KLHL38: variants seen among roughly 807,000 people sequenced by gnomAD.
The protein encoded by KLHL38 is kelch like family member 38, also known as kelch-like protein 38.
A neutral mutation model predicts 39.6 loss-of-function variants in KLHL38; 38 were observed. The ratio of observed to expected loss-of-function variants is 0.96; its 90% CI spans 0.74 to 1.26. The LOEUF is 1.26. KLHL38 is among the 50% of genes most tolerant of loss of function. The pLI is 0.00. For synonymous variants in KLHL38, 322 were observed against 302.2 expected, an observed-to-expected ratio of 1.07 and a Z score of -0.68; for missense variants, 803 against 748.1, an observed-to-expected ratio of 1.07 and a Z score of -0.86.
Position 123,652,405 on chromosome 8 carries a change from C to T in KLHL38, c.522G>A (p.Glu174=). 1 of 1,614,148 alleles carries T rather than the reference C, an allele frequency of 6.2e-7. No individual in the cohort carries two copies. Among genetic ancestry groups the T allele is most frequent in the African/African-American group, 1.3e-5 (1 of 75,068 alleles). ...PEVAASADLK[E]LCALELRDYL... ...AGTCCCTCAACTCCAAGGCACAGAG[C>T]TCCTTCAGGTCGGCCGATGCGGCCA... is the stretch of plus-strand genomic sequence containing the variant. Residue 174 remains glutamate (E), a synonymous_variant, in exon 2 of 4, where the codon GAG becomes GAA. Transcript: ENST00000684634.
chr8:123,645,634 T>C lies in KLHL38; in HGVS notation c.*105A>G. ...CCTCCCGACTCTGGTACCTCAGTCT[T>C]GTGAGCTCTCCCTGCAGCCTTTAAG... On this transcript the variant is annotated 3_prime_UTR_variant, in exon 4 of 4. Coordinates refer to ENST00000684634, the MANE Select transcript of KLHL38 (RefSeq NM_001081675.3). The C allele has an allele frequency of 1.5e-6, 2 of 1,294,386 alleles. No individual in the cohort carries two copies. The highest frequency in any genetic ancestry group is 2.2e-6 in the Non-Finnish European group (2 of 924,976). The allele number at this position is 1,294,386 out of a possible 1,614,324, so 80.2% of individuals were successfully genotyped here.
chr8:123,652,358 C>A lies in KLHL38; in HGVS notation c.569G>T (p.Cys190Phe). 1.2e-6 allele frequency: 2 copies of A among 1,613,944 alleles called. No individual in the cohort carries two copies. Among genetic ancestry groups the A allele is most frequent in the Non-Finnish European group, 1.7e-6 (2 of 1,180,036 alleles). ...LRDYLGDDGL[C>F]GEEEKVFEAL... ...CTCAAACACCTTTTCCTCCTCCCCA[C>A]AGAGCCCATCATCTCCGAGATAGTC... Residue 190 changes from cysteine to phenylalanine, a missense_variant, in exon 2 of 4, where the codon TGT becomes TTT. Physicochemically the swap from Cys to Phe is radical, Grantham distance 205 (BLOSUM62 -2). Coordinates refer to ENST00000684634, the MANE Select transcript of KLHL38 (RefSeq NM_001081675.3).
intron 2 of KLHL38, among the ~76,000 whole-genome samples, chr8:123,649,152 C>T (rs1371023256): frequency 6.6e-6 from 1 of 152,148 alleles, no homozygotes; most frequent in African/African-American, 2.4e-5. Context: ...CTCAGAAGGT[C>T]AATGGCAGTT....
At position 123,645,434 on chromosome 8, in the gene KLHL38, C is replaced by T. The variant is rs1212033737; in HGVS notation, c.*305G>A. The stretch of plus-strand genomic sequence containing the variant: ...CCTGGGCTACAGAGTGAAACTCCAT[C>T]TCAAAAAAAAGAAAAAGAGAGAGAG... On this transcript the variant is annotated 3_prime_UTR_variant, in exon 4 of 4. Transcript: ENST00000684634. The T allele has an allele frequency of 3.0e-6, 1 of 338,978 alleles. No homozygotes were observed. Among genetic ancestry groups the T allele is most frequent in the Non-Finnish European group, 5.1e-6 (1 of 194,500 alleles). The allele number at this position is 338,978 out of a possible 1,614,324, so 21.0% of individuals were successfully genotyped here.
chr8:123,645,351 C>T lies in KLHL38; in HGVS notation c.*388G>A, dbSNP rs1335130441. Among the ~76,000 whole-genome samples the T allele has an allele frequency of 5.9e-5, 9 of 151,842 alleles. No individual in the cohort carries two copies. Among genetic ancestry groups the T allele is most frequent in the East Asian group, 1.9e-4 (1 of 5,138 alleles). ...ACTCAGGAGGCTGAGGCGTGAGAAT[C>T]GCTTGAACCTGGGAGGTGGGGGTTT... On this transcript the variant is annotated 3_prime_UTR_variant, in exon 4 of 4. Coordinates refer to ENST00000684634, the MANE Select transcript of KLHL38 (RefSeq NM_001081675.3).
At position 123,650,397 on chromosome 8, in the gene KLHL38, G is replaced by T. The variant is rs139215641; in HGVS notation, c.1350+1180C>A. On this transcript the variant is annotated intron_variant, in intron 2 of 3. Coordinates refer to ENST00000684634, the MANE Select transcript of KLHL38 (RefSeq NM_001081675.3). ...TTCAAAGCTGTCTTGGGCTGTATGC[G>T]TGTTGGGCAAGCTTGCTCTAGACTG... 5.7e-3 allele frequency among the ~76,000 whole-genome samples: 867 copies of T among 152,306 alleles called. 10 individuals carry two copies. Among genetic ancestry groups the T allele is most frequent in the African/African-American group, 0.018 (767 of 41,558 alleles).
rs200968733 is a variant in KLHL38, at chr8:123,652,412, A to G, written c.515T>C (p.Leu172Pro). The change falls in exon 2 of 4, where the codon CTG becomes CCG. Residue 172 changes from leucine to proline, a missense_variant. Coordinates refer to ENST00000684634, the MANE Select transcript of KLHL38 (RefSeq NM_001081675.3). ...CAACTCCAAGGCACAGAGCTCCTTC[A>G]GGTCGGCCGATGCGGCCACCTCTGG... is the stretch of plus-strand genomic sequence containing the variant. ...SFPEVAASAD[L>P]KELCALELRD... 1 of 1,613,976 alleles carries G rather than the reference A, an allele frequency of 6.2e-7. No individual in the cohort carries two copies. The highest frequency in any genetic ancestry group is 8.5e-7 in the Non-Finnish European group (1 of 1,180,040).
Position 123,645,720 on chromosome 8 carries a change from A to G in KLHL38, c.*19T>C. ...CGACAGAAGGCATTTTGACTAGGGC[A>G]GAAGGTTTCTTGTCGACCTCATGGG... On this transcript the variant is annotated 3_prime_UTR_variant, in exon 4 of 4. Coordinates refer to ENST00000684634, the MANE Select transcript of KLHL38 (RefSeq NM_001081675.3). 1 of 1,610,772 alleles carries G rather than the reference A, an allele frequency of 6.2e-7. No homozygotes were observed. The highest frequency in any genetic ancestry group is 8.5e-7 in the Non-Finnish European group (1 of 1,177,472).
intron 2 of KLHL38, among the ~76,000 whole-genome samples, 173 bp from the exon 3 acceptor site, chr8:123,647,187 A>T (rs969544756): frequency 6.6e-6 from 1 of 152,206 alleles, no homozygotes; most frequent in Non-Finnish European, 1.5e-5. Context: ...AAACAGGAAG[A>T]AGTATATGAT....
At chr8:123,646,416 A>G (rs1370388509) in intron 3 of KLHL38, among the ~76,000 whole-genome samples, 2 of 152,206 alleles carry the variant, frequency 1.3e-5, no homozygotes, top group African/African-American at 2.4e-5. Flanking sequence ...TACTTTTAGG[A>G]TCCTCGTTTT....
chr8:123,647,903 C>A (rs1379254561), intron 2 of KLHL38, among the ~76,000 whole-genome samples: 1 of 152,000 alleles, frequency 6.6e-6, no homozygotes, highest in Non-Finnish European at 1.5e-5. Flanking sequence ...CATGGTGAAA[C>A]CCCATCTCTA....
Position 123,651,565 on chromosome 8 carries a change from C to T in KLHL38, c.1350+12G>A, listed in dbSNP as rs750897801. ...TCATGCAGTTACGTGATGGGAAGAACCGGCCATTTACCTGGATAAGGCGCA... is the reference window on the plus strand; with the variant it reads ...TCATGCAGTTACGTGATGGGAAGAATCGGCCATTTACCTGGATAAGGCGCA... On this transcript the variant is annotated intron_variant, in intron 2 of 3. Coordinates refer to ENST00000684634, the MANE Select transcript of KLHL38 (RefSeq NM_001081675.3). The T allele has an allele frequency of 3.2e-6, 5 of 1,546,002 alleles. No homozygotes were observed. In the African/African-American group the frequency reaches 6.8e-5, roughly 21 times the overall value.
Position 123,645,643 on chromosome 8 carries a change from T to A in KLHL38, c.*96A>T, listed in dbSNP as rs755466547. 1.2e-5 allele frequency: 17 copies of A among 1,382,174 alleles called. No homozygotes were observed. The highest frequency in any genetic ancestry group is 1.7e-5 in the Non-Finnish European group (17 of 999,506). The allele number at this position is 1,382,174 out of a possible 1,614,324, so 85.6% of individuals were successfully genotyped here. The stretch of plus-strand genomic sequence containing the variant: ...TCTGGTACCTCAGTCTTGTGAGCTC[T>A]CCCTGCAGCCTTTAAGGGTTAAGCC... On this transcript the variant is annotated 3_prime_UTR_variant, in exon 4 of 4. Transcript: ENST00000684634.
rs759658521 is a variant in KLHL38, at chr8:123,645,755, G to C, written c.1730C>G (p.Thr577Arg). Residue 577 changes from threonine (T) to arginine (R), a missense_variant, in exon 4 of 4, where the codon ACG becomes AGG. Coordinates refer to ENST00000684634, the MANE Select transcript of KLHL38 (RefSeq NM_001081675.3). ...ACLTLQCIPR[T>R]SGLP ...TTGTCGACCTCATGGGAGGCCAGAC[G>C]TGCGGGGTATGCACTGGAGAGTGAG... is the stretch of plus-strand genomic sequence containing the variant. 1 of 1,613,766 alleles carries C rather than the reference G, an allele frequency of 6.2e-7. No individual in the cohort carries two copies. Among genetic ancestry groups the C allele is most frequent in the Admixed American group, 1.7e-5 (1 of 60,008 alleles).
At chr8:123,651,138 C>T (rs941260912) in intron 2 of KLHL38, among the ~76,000 whole-genome samples, 2 of 152,154 alleles carry the variant, frequency 1.3e-5, no homozygotes, top group African/African-American at 4.8e-5. Flanking sequence ...TCCCTCCCTC[C>T]CTTCCTCTCT....
chr8:123,652,332 C>T lies in KLHL38; in HGVS notation c.595G>A (p.Ala199Thr), dbSNP rs74884256. The T allele has an allele frequency of 8.8e-4, 1,427 of 1,613,912 alleles. 12 individuals are homozygous for T. In the African/African-American group the frequency reaches 0.015, roughly 17 times the overall value. Residue 199 changes from alanine (A) to threonine (T), a missense_variant, in exon 2 of 4, where the codon GCC becomes ACC. By Grantham distance (58) the Ala-to-Thr change is moderately conservative. Transcript: ENST00000684634. ...LCGEEEKVFEALMVWIKHDLQ... is the reference protein window; with the variant it reads ...LCGEEEKVFETLMVWIKHDLQ... ...TCATGCTTGATCCAAACCATGAGGG[C>T]CTCAAACACCTTTTCCTCCTCCCCA...
chr8:123,651,639 C>T lies in KLHL38; in HGVS notation c.1288G>A (p.Asp430Asn), dbSNP rs1812646520. 6.2e-7 allele frequency: 1 copy of T among 1,613,028 alleles called. No homozygotes were observed. The highest frequency in any genetic ancestry group is 1.7e-5 in the Admixed American group (1 of 59,916). The part of the protein sequence containing the change: ...GVLHPAVAVK[D>N]QRLYLFGGED... ...CCTCCAAAGAGATAGAGTCTTTGGT[C>T]TTTCACAGCGACTGCGGGGTGGAGC... The change falls in exon 2 of 4, where the codon GAC becomes AAC. Residue 430 changes from aspartate to asparagine, a missense_variant. By Grantham distance (23) the Asp-to-Asn change is conservative. Transcript: ENST00000684634.
At position 123,645,035 on chromosome 8, in the gene KLHL38, T is replaced by TGAGAGAGAGAGA. The variant is rs56194946; in HGVS notation, c.*692_*703dup. 2.8e-3 allele frequency among the ~76,000 whole-genome samples: 407 copies of TGAGAGAGAGAGA among 143,550 alleles called. 4 individuals are homozygous for TGAGAGAGAGAGA. Among genetic ancestry groups the TGAGAGAGAGAGA allele is most frequent in the African/African-American group, 8.4e-3 (329 of 39,004 alleles). The allele number at this position is 143,550 out of a possible 152,430, so 94.2% of individuals were successfully genotyped here. A position where few individuals can be genotyped will look rare whatever the true frequency, so the allele number is the denominator to read the frequency against. On this transcript the variant is annotated 3_prime_UTR_variant, in exon 4 of 4. Transcript: ENST00000684634. ...AGAGAGAGGAAGACAGAGGGGAGAC[T>TGAGAGAGAGAGA]GAGAGAGAGAGAGAGAGAGAGGGGC...
At chr8:123,646,157 G>T (rs1470310649) in intron 3 of KLHL38, 129 bp from the exon 4 acceptor site, 2 of 840,448 alleles carry the variant, frequency 2.4e-6, no homozygotes, top group Non-Finnish European at 3.8e-6. Context: ...TAGCACGTGG[G>T]ATGTTGAGCT....
Sources: gnomAD v4.1 joint callset for allele counts (sites outside exome capture counted in the v4.1 genomes callset) on GRCh38, gnomAD v4.1.1 for gene constraint, MANE v1.5 for transcripts, NCBI Gene and HGNC (gene_info 2026-07-23, HGNC 2026-07-21) for gene names.